STXBP4: variants seen among roughly 807,000 people sequenced by gnomAD.
The protein encoded by STXBP4 is syntaxin-binding protein 4.
Under a neutral mutation model 76.1 loss-of-function variants are expected in STXBP4, and 55 were observed. The observed-to-expected ratio is 0.72, with a 90% CI of 0.58 to 0.91. The LOEUF is 0.91. Among genes scored for constraint, STXBP4 ranks in the 40% least tolerant of loss-of-function variants. STXBP4 has a pLI of 0.00. For missense variants in STXBP4, 618 were observed against 636.9 expected (o/e 0.97, Z 0.32); for synonymous variants, 201 against 220.2 (o/e 0.91, Z 0.77).
rs1030453882 is a variant in STXBP4 at position 55,165,362 on chromosome 17, T to G, written c.*5451T>G. On this transcript the variant is annotated 3_prime_UTR_variant, in exon 18 of 18. Transcript: ENST00000376352. Reference sequence around the variant, plus strand: ...CCAAGTTCCAGGGAGCAGCAAAACCTCAATTACATTTGTCCCCTAGAATGG... The same window carrying G: ...CCAAGTTCCAGGGAGCAGCAAAACCGCAATTACATTTGTCCCCTAGAATGG... 1 of 152,194 alleles carries G rather than the reference T, an allele frequency of 6.6e-6. No individual in the cohort carries two copies. Among genetic ancestry groups the G allele is most frequent in the African/African-American group, 2.4e-5 (1 of 41,436 alleles). 9.4% of individuals were successfully genotyped at this position (152,194 alleles called of 1,614,324 possible). A position where few individuals can be genotyped will look rare whatever the true frequency, so the allele number is the denominator to read the frequency against.
At chr17:55,213,096 G>A in the STXBP4 span, among the ~76,000 whole-genome samples, 1 of 152,230 alleles carries the variant, frequency 6.6e-6, no homozygotes, top group Non-Finnish European at 1.5e-5. Context: ...AGAAGCCACA[G>A]CAGCCTCCAG....
At chr17:55,205,548 CACACACACACACAA>C in the STXBP4 span, among the ~76,000 whole-genome samples, 1 of 151,880 alleles carries the variant, frequency 6.6e-6, no homozygotes, top group Non-Finnish European at 1.5e-5. Flanking sequence ...CAAATGCACA[CACACACACACACAA>C]ACACACACAC....
intron 1 of STXBP4, among the ~76,000 whole-genome samples, chr17:54,974,108 T>C (rs1322825621): frequency 1.3e-5 from 2 of 152,228 alleles, no homozygotes; most frequent in Non-Finnish European, 1.5e-5. Context: ...AGTCTTAATA[T>C]GGTGGTCGTC....
At chr17:55,046,747 A>G in intron 11 of STXBP4, among the ~76,000 whole-genome samples, 1 of 151,944 alleles carries the variant, frequency 6.6e-6, no homozygotes, top group East Asian at 1.9e-4. Flanking sequence ...TCTAATTTGT[A>G]ATAATAATGC....
rs2080373576 is a variant in STXBP4, at chr17:55,165,543, A to C, written c.*5632A>C. 6.6e-6 allele frequency: 1 copy of C among 152,222 alleles called. No homozygotes were observed. Among genetic ancestry groups the C allele is most frequent in the African/African-American group, 2.4e-5 (1 of 41,446 alleles). The allele number at this position is 152,222 out of a possible 1,614,324, so 9.4% of individuals were successfully genotyped here. A position where few individuals can be genotyped will look rare whatever the true frequency, so the allele number is the denominator to read the frequency against. Reference sequence around the variant, plus strand: ...TAACACCTGCTGGACCTGAATGAGGATCTTTTCCATTCAATCCACATGTTC... The same window carrying C: ...TAACACCTGCTGGACCTGAATGAGGCTCTTTTCCATTCAATCCACATGTTC... On this transcript the variant is annotated 3_prime_UTR_variant, in exon 18 of 18. Transcript: ENST00000376352.
At chr17:55,122,521 G>A (rs1161415362) in intron 16 of STXBP4, among the ~76,000 whole-genome samples, 2 of 152,090 alleles carry the variant, frequency 1.3e-5, no homozygotes, top group East Asian at 3.9e-4. Flanking sequence ...GAAGGAATGT[G>A]GTCTACACTG....
chr17:55,175,638 T>C (rs2080427326), downstream of STXBP4, among the ~76,000 whole-genome samples: 1 of 152,194 alleles, frequency 6.6e-6, no homozygotes, highest in Admixed American at 6.5e-5. Flanking sequence ...GGCTGGAAGC[T>C]ATCTCTCTGC....
chr17:54,989,584 TA>T (rs1424292399), intron 3 of STXBP4, among the ~76,000 whole-genome samples: 1 of 152,152 alleles, frequency 6.6e-6, no homozygotes, highest in African/African-American at 2.4e-5. Flanking sequence ...TTGGGTCTTT[TA>T]AAAAAATAAG....
At chr17:55,058,901 G>A (rs529967126) in intron 12 of STXBP4, among the ~76,000 whole-genome samples, 25 of 151,872 alleles carry the variant, frequency 1.6e-4, no homozygotes, top group South Asian at 2.1e-4. Flanking sequence ...CTGCTAATAC[G>A]AAACTTCTTA....
the STXBP4 span, among the ~76,000 whole-genome samples, chr17:55,185,468 T>C: frequency 8.2e-4 from 124 of 151,812 alleles, no homozygotes; most frequent in African/African-American, 2.9e-3. Flanking sequence ...TGTGTGCACA[T>C]AGAGAGGAAA....
At chr17:55,154,095 G>A (rs971540454) in intron 17 of STXBP4, among the ~76,000 whole-genome samples, 2 of 152,150 alleles carry the variant, frequency 1.3e-5, no homozygotes, top group African/African-American at 4.8e-5. Context: ...GTTGATGGGT[G>A]TAGCTTTTCT....
At chr17:55,055,764 A>T (rs1396794660) in intron 12 of STXBP4, among the ~76,000 whole-genome samples, 1 of 152,114 alleles carries the variant, frequency 6.6e-6, no homozygotes, top group Non-Finnish European at 1.5e-5. Flanking sequence ...TCTCCAGCTC[A>T]TCTGGTCTCT....
chr17:55,211,591 T>C, the STXBP4 span, among the ~76,000 whole-genome samples: 2 of 152,148 alleles, frequency 1.3e-5, no homozygotes, highest in Non-Finnish European at 2.9e-5. Flanking sequence ...TACCTAAAAG[T>C]TAAGGTAGTT....
chr17:55,200,009 A>T, the STXBP4 span, among the ~76,000 whole-genome samples: 1 of 152,226 alleles, frequency 6.6e-6, no homozygotes, highest in Non-Finnish European at 1.5e-5. Context: ...ATATCTATCT[A>T]GCCCCACCTT....
At chr17:54,977,939 C>T (rs998520413) in intron 1 of STXBP4, among the ~76,000 whole-genome samples, 1 of 152,158 alleles carries the variant, frequency 6.6e-6, no homozygotes, top group Admixed American at 6.5e-5. Flanking sequence ...ATTTACTGAG[C>T]AGCCAACATC....
intron 12 of STXBP4, among the ~76,000 whole-genome samples, chr17:55,064,771 C>T (rs776257114): frequency 3.9e-5 from 6 of 152,032 alleles, no homozygotes; most frequent in Admixed American, 1.3e-4. Context: ...CCCAAAGTGC[C>T]GGGATTACAG....
At position 55,128,483 on chromosome 17, in the gene STXBP4, A is replaced by C. The variant is rs368632493; in HGVS notation, c.1490-12827A>C. On this transcript the variant is annotated intron_variant, in intron 16 of 17. Coordinates refer to ENST00000376352, the MANE Select transcript of STXBP4 (RefSeq NM_178509.6). ...CCACCCCCAAACCCACTTTACCTGC[A>C]CAACTTTACTGTGCCTAACTTTGGC... Among the ~76,000 whole-genome samples the C allele has an allele frequency of 3.9e-5, 6 of 152,328 alleles. No individual in the cohort carries two copies. The East Asian group carries it at 1.2e-3, about 29-fold the overall frequency.
chr17:55,044,785 A>G (rs1367048900), intron 11 of STXBP4: 1 of 152,006 alleles, frequency 6.6e-6, no homozygotes, highest in Admixed American at 6.6e-5. Flanking sequence ...TTTTTCCAGT[A>G]TGTGTGTATT....
chr17:55,176,834 C>G (rs1196153654), downstream of STXBP4, among the ~76,000 whole-genome samples: 5 of 152,156 alleles, frequency 3.3e-5, no homozygotes. Context: ...CTCTCTCCCT[C>G]TTCTTGAGAT....
Sources: allele counts gnomAD v4.1 joint callset (sites outside exome capture counted in the v4.1 genomes callset), GRCh38; gene constraint gnomAD v4.1.1; transcripts MANE v1.5; gene names NCBI Gene and HGNC (gene_info 2026-07-23, HGNC 2026-07-21).